The following FANCL variants were observed in gnomAD, a reference collection of about 807,000 sequenced individuals.
FANCL encodes FA complementation group L, also known as E3 ubiquitin-protein ligase FANCL.
A neutral mutation model predicts 59.4 loss-of-function variants in FANCL; 69 were observed. The ratio of observed to expected loss-of-function variants is 1.16; its 90% confidence interval spans 0.96 to 1.42. FANCL has a LOEUF of 1.42. Ranked by LOEUF, FANCL falls within the 40% of genes most tolerant of loss-of-function variation. FANCL has a pLI of 0.00. For synonymous variants in FANCL, 180 were observed against 147.1 expected (o/e 1.22, Z -1.62); for missense variants, 519 against 447.2 (o/e 1.16, Z -1.45).
At position 58,222,008 on chromosome 2, in the gene FANCL, G is replaced by C; in HGVS notation, c.308C>G (p.Ala103Gly). ...GTAGAACTGGGGAGGAGGAGGTAGT[G>C]CATACAGCTCTTGTCTATTCTTTAA... ...VALKNRQELY[A>G]LPPPPQFYSS... The change falls in exon 5 of 14, where the codon GCA becomes GGA. Residue 103 changes from alanine to glycine, a missense_variant. Coordinates refer to ENST00000233741, the MANE Select transcript of FANCL (RefSeq NM_018062.4). 6.2e-7 allele frequency: 1 copy of C among 1,613,436 alleles called. No individual in the cohort carries two copies. The highest frequency in any genetic ancestry group is 2.2e-5 in the East Asian group (1 of 44,784).
chr2:58,218,061 A>C (rs554716862), intron 5 of FANCL, among the ~76,000 whole-genome samples: 6 of 152,100 alleles, frequency 3.9e-5, no homozygotes, highest in Non-Finnish European at 7.4e-5. Context: ...CAGTTGTTTG[A>C]AAATTAAGAG....
At chr2:58,219,155 AAAAAAAAAAAAAAAAAATATATAT>A (rs1197313253) in intron 5 of FANCL, among the ~76,000 whole-genome samples, 7 of 85,746 alleles carry the variant, frequency 8.2e-5, no homozygotes, top group African/African-American at 3.4e-4. Context: ...AAAAAAAAAA[AAAAAAAAAAAAAAAAAATATATAT>A]ATATATATAT....
intron 5 of FANCL, 54 bp from the exon 6 acceptor site, chr2:58,204,280 G>T (rs1690354275): frequency 3.2e-6 from 4 of 1,248,210 alleles, no homozygotes; most frequent in Non-Finnish European, 4.7e-6. Flanking sequence ...CTGGAGAGGG[G>T]AACTGGAGAT....
chr2:58,239,871 T>C (rs529010099), intron 1 of FANCL, among the ~76,000 whole-genome samples: 1 of 152,318 alleles, frequency 6.6e-6, no homozygotes, highest in East Asian at 1.9e-4. Context: ...CTGTATATCC[T>C]TGCTACTTTT....
Position 58,178,634 on chromosome 2 carries a change from G to A in FANCL, c.541-12760C>T, listed in dbSNP as rs190236482. Among the ~76,000 whole-genome samples the A allele has an allele frequency of 1.4e-4, 21 of 152,198 alleles. No homozygotes were observed. The East Asian group carries it at 3.9e-3, about 28-fold the overall frequency. On this transcript the variant is annotated intron_variant, in intron 7 of 13. Coordinates refer to ENST00000233741, the MANE Select transcript of FANCL (RefSeq NM_018062.4). ...ACCCACAGTCAATATCATACTGAAT[G>A]GGCAAAAGCTGGAAGCATTCCCTTT...
intron 7 of FANCL, among the ~76,000 whole-genome samples, chr2:58,177,878 T>C (rs534533413): frequency 3.4e-5 from 5 of 148,280 alleles, no homozygotes; most frequent in African/African-American, 7.4e-5. Flanking sequence ...AAGAATCAAA[T>C]AGACACAATA....
chr2:58,206,576 T>C (rs1267397824), intron 5 of FANCL, among the ~76,000 whole-genome samples: 1 of 152,180 alleles, frequency 6.6e-6, no homozygotes, highest in Non-Finnish European at 1.5e-5. Context: ...TTTAAAATCA[T>C]TTTTTAACAT....
At chr2:58,236,366 A>G (rs1387141080) in intron 1 of FANCL, among the ~76,000 whole-genome samples, 1 of 151,990 alleles carries the variant, frequency 6.6e-6, no homozygotes, top group Non-Finnish European at 1.5e-5. Flanking sequence ...TATATAGTTG[A>G]TAAACCAATA....
chr2:58,188,336 C>A (rs1688607739), intron 7 of FANCL, among the ~76,000 whole-genome samples: 1 of 152,084 alleles, frequency 6.6e-6, no homozygotes, highest in Non-Finnish European at 1.5e-5. Flanking sequence ...TTGTGTTAGT[C>A]TTCTAACTTT....
At chr2:58,179,683 T>A (rs764591934) in intron 7 of FANCL, among the ~76,000 whole-genome samples, 2 of 152,132 alleles carry the variant, frequency 1.3e-5, no homozygotes, top group Non-Finnish European at 2.9e-5. Context: ...GGGCAAAGAC[T>A]TCATGACTAA....
At chr2:58,219,085 G>A (rs1410157462) in intron 5 of FANCL, among the ~76,000 whole-genome samples, 1 of 130,362 alleles carries the variant, frequency 7.7e-6, no homozygotes, top group East Asian at 2.5e-4. Flanking sequence ...GCTGATTCTA[G>A]GAAAGGGCAG....
At chr2:58,240,523 G>C (rs1694425766) in intron 1 of FANCL, among the ~76,000 whole-genome samples, 1 of 152,200 alleles carries the variant, frequency 6.6e-6, no homozygotes, top group East Asian at 1.9e-4. Context: ...TCTTCAACTA[G>C]AAAATGGGAA....
chr2:58,221,914 T>TTTAA (rs1320619816), intron 5 of FANCL, 28 bp downstream of exon 5: 1 of 1,487,490 alleles, frequency 6.7e-7, no homozygotes. Context: ...AACAAAGGCA[T>TTTAA]TTAAAACATA....
intron 7 of FANCL, among the ~76,000 whole-genome samples, chr2:58,177,459 G>T (rs867296508): frequency 1.1e-4 from 16 of 151,842 alleles, no homozygotes; most frequent in African/African-American, 1.5e-4. Flanking sequence ...CCATAAAAAA[G>T]GATGAGTTCA....
intron 6 of FANCL, among the ~76,000 whole-genome samples, chr2:58,203,083 A>T (rs1690209136): frequency 6.6e-6 from 1 of 151,608 alleles, no homozygotes; most frequent in South Asian, 2.1e-4. Context: ...TTTTCAATTT[A>T]ATAAAAATAA....
intron 5 of FANCL, among the ~76,000 whole-genome samples, chr2:58,208,863 G>A (rs1275542588): frequency 6.6e-6 from 1 of 152,116 alleles, no homozygotes; most frequent in Non-Finnish European, 1.5e-5. Context: ...AATATTCAAT[G>A]AGTCCCTATC....
Position 58,189,668 on chromosome 2 carries a change from ATT to A in FANCL, c.540+8924_540+8925del, listed in dbSNP as rs578173683. ...TGTAACGCTTATTATCTTTAAAAGC[ATT>A]TTGTTACTTTCATAATACCTGAAGT... On this transcript the variant is annotated intron_variant, in intron 7 of 13. Coordinates refer to ENST00000233741, the MANE Select transcript of FANCL (RefSeq NM_018062.4). Among the ~76,000 whole-genome samples the A allele has an allele frequency of 9.9e-5, 15 of 152,232 alleles. No individual in the cohort carries two copies. In the South Asian group the frequency reaches 2.5e-3, roughly 25 times the overall value.
At chr2:58,194,981 C>T (rs1689292422) in intron 7 of FANCL, among the ~76,000 whole-genome samples, 1 of 151,354 alleles carries the variant, frequency 6.6e-6, no homozygotes, top group Non-Finnish European at 1.5e-5. Flanking sequence ...AACACTGACT[C>T]CAAAGAGAAA....
intron 7 of FANCL, among the ~76,000 whole-genome samples, chr2:58,187,158 A>G (rs563940973): frequency 6.6e-6 from 1 of 152,320 alleles, no homozygotes; most frequent in South Asian, 2.1e-4. Flanking sequence ...AAGACTTGGA[A>G]CCAACCCAAA....
Sources: gnomAD v4.1 joint callset for allele counts (sites outside exome capture counted in the v4.1 genomes callset) on GRCh38, gnomAD v4.1.1 for gene constraint, MANE v1.5 for transcripts, NCBI Gene and HGNC (gene_info 2026-07-23, HGNC 2026-07-21) for gene names.